Variants in RSPH3 observed in about 807,000 individuals in gnomAD.
RSPH3 encodes the protein radial spoke head 3.
In RSPH3, 21 loss-of-function variants were observed where a neutral mutation model predicts 43.8. The observed-to-expected ratio is 0.48, with a 90% CI of 0.34 to 0.69. RSPH3 has a LOEUF of 0.69. Ranked by LOEUF, RSPH3 falls within the 30% of genes least tolerant of loss-of-function variation. RSPH3 has a pLI of 0.01. For synonymous variants in RSPH3, 173 were observed against 179.8 expected (o/e 0.96, Z 0.30); for missense variants, 487 against 516.0 (o/e 0.94, Z 0.54).
intron 7 of RSPH3, 70 bp from the exon 8 acceptor site, chr6:158,977,918 C>A: frequency 7.6e-7 from 1 of 1,322,136 alleles, no homozygotes; most frequent in South Asian, 1.4e-5. Flanking sequence ...TTATAATGCT[C>A]ACTTATAGAT....
chr6:158,977,916 C>T, intron 7 of RSPH3, 68 bp from the exon 8 acceptor site: 2 of 1,338,104 alleles, frequency 1.5e-6, no homozygotes, highest in East Asian at 2.3e-5. Context: ...AGTTATAATG[C>T]TCACTTATAG....
intron 2 of RSPH3, among the ~76,000 whole-genome samples, chr6:158,987,187 T>A (rs1484936923): frequency 6.6e-6 from 1 of 152,232 alleles, no homozygotes; most frequent in Non-Finnish European, 1.5e-5. Context: ...TTATCATTGT[T>A]ACATCCTCTG....
At chr6:158,993,642 C>A (rs1778492044) in intron 2 of RSPH3, among the ~76,000 whole-genome samples, 197 bp downstream of exon 2, 1 of 152,056 alleles carries the variant, frequency 6.6e-6, no homozygotes. Flanking sequence ...CTCCCTGGTC[C>A]CCTCATCCCC....
rs1242630990 is a variant in RSPH3, at chr6:158,975,723, T to G, written c.*1815A>C. 1.3e-5 allele frequency: 2 copies of G among 152,240 alleles called. No homozygotes were observed. Among genetic ancestry groups the G allele is most frequent in the Non-Finnish European group, 2.9e-5 (2 of 68,036 alleles). 9.4% of individuals were successfully genotyped at this position (152,240 alleles called of 1,614,324 possible). ...TTCTTCAGAAGGTTGCCATGAGGCC[T>G]AAGTGTTATAGTGAAATACTATATG... On this transcript the variant is annotated 3_prime_UTR_variant, in exon 8 of 8. Transcript: ENST00000367069.
chr6:158,980,861 A>C lies in RSPH3; in HGVS notation c.772T>G (p.Phe258Val). 1.2e-6 allele frequency: 2 copies of C among 1,614,162 alleles called. No homozygotes were observed. Among genetic ancestry groups the C allele is most frequent in the East Asian group, 2.2e-5 (1 of 44,876 alleles). ...AGGTCAGCCAGGTAACGCTGTGCAAATGCTCGGGCGGCGATTTTTTGTGAT... is the reference window on the plus strand; with the variant it reads ...AGGTCAGCCAGGTAACGCTGTGCAACTGCTCGGGCGGCGATTTTTTGTGAT... ...ETSQKIAARA[F>V]AQRYLADLLP... The change falls in exon 6 of 8, where the codon TTT becomes GTT. Residue 258 changes from phenylalanine to valine, a missense_variant. Phe to Val is a conservative substitution (Grantham distance 50). Coordinates refer to ENST00000367069, the MANE Select transcript of RSPH3 (RefSeq NM_031924.8).
chr6:158,995,419 T>C (rs1443298989), intron 1 of RSPH3, among the ~76,000 whole-genome samples: 1 of 152,150 alleles, frequency 6.6e-6, no homozygotes, highest in Non-Finnish European at 1.5e-5. Context: ...AGGACTGCAC[T>C]CCTCCTGGAG....
chr6:158,993,809 A>G, intron 2 of RSPH3, 30 bp downstream of exon 2: 1 of 1,209,348 alleles, frequency 8.3e-7, no homozygotes, highest in Non-Finnish European at 1.2e-6. Context: ...ATGTGAGAAC[A>G]CGGTGTTAGA....
intron 3 of RSPH3, among the ~76,000 whole-genome samples, chr6:158,985,086 C>G (rs1414118779): frequency 6.6e-6 from 1 of 152,222 alleles, no homozygotes; most frequent in Non-Finnish European, 1.5e-5. Context: ...CAAGCACTGT[C>G]TGATGACCAA....
intron 2 of RSPH3, among the ~76,000 whole-genome samples, chr6:158,990,259 C>T (rs1778363635): frequency 6.6e-6 from 1 of 152,108 alleles, no homozygotes; most frequent in Admixed American, 6.5e-5. Flanking sequence ...CCCTTAGTGC[C>T]AGGCAGACTA....
downstream of RSPH3, among the ~76,000 whole-genome samples, chr6:158,969,655 G>C (rs1335840264): frequency 6.6e-6 from 1 of 152,198 alleles, no homozygotes; most frequent in South Asian, 2.1e-4. Context: ...TATGCTTGAT[G>C]GTGTCCCACA....
chr6:158,998,770 C>A (rs1056230929), intron 1 of RSPH3, among the ~76,000 whole-genome samples: 1 of 134,172 alleles, frequency 7.5e-6, no homozygotes, highest in African/African-American at 2.8e-5. Flanking sequence ...GCAGGAGAAT[C>A]GTTTGATCGG....
At chr6:158,984,269 A>G (rs1049742259) in intron 3 of RSPH3, among the ~76,000 whole-genome samples, 1 of 151,602 alleles carries the variant, frequency 6.6e-6, no homozygotes, top group Non-Finnish European at 1.5e-5. Context: ...CACATACTGA[A>G]CTAAGAGTTT....
chr6:158,999,197 G>GT (rs1778753220), intron 1 of RSPH3, among the ~76,000 whole-genome samples: 1 of 152,228 alleles, frequency 6.6e-6, no homozygotes. Context: ...TCGTGTACAT[G>GT]TTAAGGACCA....
intron 7 of RSPH3, 40 bp from the exon 8 acceptor site, chr6:158,977,888 A>AT (rs1383841765): frequency 6.7e-7 from 1 of 1,496,336 alleles, no homozygotes; most frequent in Non-Finnish European, 9.1e-7. Context: ...TGATTTTCAT[A>AT]TTATGGTATA....
At chr6:158,988,119 T>C (rs1404712904) in intron 2 of RSPH3, 2 of 152,174 alleles carry the variant, frequency 1.3e-5, no homozygotes, top group South Asian at 2.1e-4. Context: ...TCCTTCATAT[T>C]TGAGGGATAA....
In RSPH3 at chr6:158,973,279, G is replaced by A. The variant is rs183329921; in HGVS notation, c.*4259C>T. 3.9e-5 allele frequency: 6 copies of A among 152,186 alleles called. No homozygotes were observed. The highest frequency in any genetic ancestry group is 1.4e-4 in the African/African-American group (6 of 41,528). The allele number at this position is 152,186 out of a possible 1,614,324, so 9.4% of individuals were successfully genotyped here. ...AGAATGTGTCAAATTTTCCATAGCA[G>A]GTAAAGCATAGAAAAAAAATCTAGC... On this transcript the variant is annotated 3_prime_UTR_variant, in exon 8 of 8. Coordinates refer to ENST00000367069, the MANE Select transcript of RSPH3 (RefSeq NM_031924.8).
intron 4 of RSPH3, among the ~76,000 whole-genome samples, chr6:158,983,232 C>T (rs536466594): frequency 3.9e-4 from 59 of 152,136 alleles, no homozygotes; most frequent in African/African-American, 1.4e-3. Context: ...GCATTCCACA[C>T]TGATAGAAAA....
In RSPH3 at chr6:158,973,873, G is replaced by C. The variant is rs1777754607; in HGVS notation, c.*3665C>G. The stretch of plus-strand genomic sequence containing the variant: ...GAGACGGAGTCTTGCTCTGTCACCG[G>C]GCTGGAGTGCAGCGGCGCGACCTCC... On this transcript the variant is annotated 3_prime_UTR_variant, in exon 8 of 8. Transcript: ENST00000367069. 1 of 151,128 alleles carries C rather than the reference G, an allele frequency of 6.6e-6. No individual in the cohort carries two copies. Among genetic ancestry groups the C allele is most frequent in the African/African-American group, 2.4e-5 (1 of 41,088 alleles). 9.4% of individuals were successfully genotyped at this position (151,128 alleles called of 1,614,324 possible). A position where few individuals can be genotyped will look rare whatever the true frequency, so the allele number is the denominator to read the frequency against.
intron 1 of RSPH3, 68 bp downstream of exon 1, chr6:158,999,367 G>C: frequency 7.2e-7 from 1 of 1,394,610 alleles, no homozygotes; most frequent in Non-Finnish European, 9.4e-7. Flanking sequence ...CCAGGGCGAA[G>C]GGGCCAGACC....
Sources: allele counts gnomAD v4.1 joint callset (sites outside exome capture counted in the v4.1 genomes callset), GRCh38; gene constraint gnomAD v4.1.1; transcripts MANE v1.5; gene names NCBI Gene and HGNC (gene_info 2026-07-23, HGNC 2026-07-21).